The following SLC12A8 variants were observed in gnomAD, a reference collection of about 807,000 sequenced individuals.
The protein encoded by SLC12A8 is cation-chloride cotransporter 9.
A neutral mutation model predicts 75.6 loss-of-function variants in SLC12A8; 69 were observed. The ratio of observed to expected loss-of-function variants is 0.91; its 90% CI spans 0.75 to 1.11. The LOEUF (loss-of-function observed/expected upper bound fraction) is 1.11. Ranked by LOEUF, SLC12A8 falls within the 50% of genes most tolerant of loss-of-function variation. The pLI, the probability that SLC12A8 is intolerant of heterozygous loss-of-function variation, is 0.00. For synonymous variants in SLC12A8, 365 were observed against 372.8 expected, an observed-to-expected ratio of 0.98 and a Z score of 0.24; for missense variants, 877 against 896.7, an observed-to-expected ratio of 0.98 and a Z score of 0.28.
At chr3:125,196,756 A>G (rs956218008) in intron 2 of SLC12A8, among the ~76,000 whole-genome samples, 3 of 152,122 alleles carry the variant, frequency 2.0e-5, no homozygotes, top group African/African-American at 7.2e-5. Flanking sequence ...TAATGAGACC[A>G]CACCTCTACA....
chr3:125,193,448 C>T lies in SLC12A8; in HGVS notation c.52-2927G>A, dbSNP rs58195221. Among the ~76,000 whole-genome samples the T allele has an allele frequency of 8.7e-3, 1,321 of 152,350 alleles. 7 individuals are homozygous for T. The highest frequency in any genetic ancestry group is 0.017 in the Middle Eastern group (5 of 294). On this transcript the variant is annotated intron_variant, in intron 2 of 13. Coordinates refer to ENST00000469902, the MANE Select transcript of SLC12A8 (RefSeq NM_024628.6). ...TCCAGGCTCGCCACATTTGTGATGC[C>T]ATTCAGACTTTAGCTAGTGCCCAGA... is the stretch of plus-strand genomic sequence containing the variant.
chr3:125,174,062 AGCCTGGGT>A (rs768611672), intron 5 of SLC12A8, among the ~76,000 whole-genome samples: 5 of 152,238 alleles, frequency 3.3e-5, no homozygotes, highest in Non-Finnish European at 7.3e-5. Flanking sequence ...ACTGCACTCC[AGCCTGGGT>A]GACAGAACAA....
intron 5 of SLC12A8, among the ~76,000 whole-genome samples, chr3:125,146,314 TG>T (rs1365157317): frequency 6.6e-6 from 1 of 152,238 alleles, no homozygotes; most frequent in Non-Finnish European, 1.5e-5. Context: ...GCGGAGTTTC[TG>T]TTTGGGGTGA....
intron 11 of SLC12A8, 21 bp downstream of exon 11, chr3:125,092,080 G>T: frequency 5.2e-6 from 8 of 1,552,372 alleles, no homozygotes; most frequent in Non-Finnish European, 6.2e-6. Context: ...GAACAACTGA[G>T]ATCAAGATGA....
At chr3:125,105,488 T>G (rs1939000061) in intron 10 of SLC12A8, among the ~76,000 whole-genome samples, 2 of 152,222 alleles carry the variant, frequency 1.3e-5, no homozygotes, top group East Asian at 3.9e-4. Flanking sequence ...TTGACAGATC[T>G]GCCAGAGCAT....
chr3:125,187,458 GA>G (rs1375217010), intron 3 of SLC12A8, 30 bp from the exon 4 acceptor site: 1 of 1,605,670 alleles, frequency 6.2e-7, no homozygotes, highest in Non-Finnish European at 8.5e-7. Flanking sequence ...AGCAAGGTTG[GA>G]TTAGGTGAGG....
At chr3:125,197,040 C>CT (rs755025007) in intron 2 of SLC12A8, among the ~76,000 whole-genome samples, 9 of 152,164 alleles carry the variant, frequency 5.9e-5, no homozygotes, top group Admixed American at 3.3e-4. Flanking sequence ...ACCAGGGCTC[C>CT]TTGCAGAAGT....
At chr3:125,165,136 T>C (rs1198363531) in intron 5 of SLC12A8, among the ~76,000 whole-genome samples, 1 of 152,158 alleles carries the variant, frequency 6.6e-6, no homozygotes, top group Admixed American at 6.5e-5. Flanking sequence ...CCCACCATCA[T>C]CATGAGGGTC....
At chr3:125,108,216 A>G in intron 9 of SLC12A8, 90 bp from the exon 10 acceptor site, 2 of 1,290,286 alleles carry the variant, frequency 1.6e-6, no homozygotes, top group Non-Finnish European at 2.1e-6. Context: ...AACACAACTC[A>G]TAATGACTCA....
intron 12 of SLC12A8, among the ~76,000 whole-genome samples, chr3:125,091,022 T>C (rs955524754): frequency 6.6e-6 from 1 of 152,232 alleles, no homozygotes; most frequent in Non-Finnish European, 1.5e-5. Flanking sequence ...CTTATTTTGA[T>C]TGAGTACTTT....
At chr3:125,136,142 CA>C (rs777387822) in intron 5 of SLC12A8, among the ~76,000 whole-genome samples, 8 of 152,152 alleles carry the variant, frequency 5.3e-5, no homozygotes, top group Non-Finnish European at 1.2e-4. Flanking sequence ...TCGATATTTG[CA>C]AGTTACTTCC....
chr3:125,186,779 G>A (rs1466160747), intron 4 of SLC12A8, among the ~76,000 whole-genome samples: 4 of 152,220 alleles, frequency 2.6e-5, no homozygotes, highest in African/African-American at 7.2e-5. Context: ...AAGGCCACCC[G>A]AGCTATCAAA....
intron 13 of SLC12A8, among the ~76,000 whole-genome samples, chr3:125,084,371 T>C (rs959453124): frequency 6.6e-6 from 1 of 152,076 alleles, no homozygotes; most frequent in Non-Finnish European, 1.5e-5. Context: ...GTTGGGGCTC[T>C]GTAGCTTTTC....
At chr3:125,115,587 C>T (rs1027684428) in intron 8 of SLC12A8, among the ~76,000 whole-genome samples, 7 of 151,404 alleles carry the variant, frequency 4.6e-5, no homozygotes, top group African/African-American at 1.7e-4. Context: ...AGTTGAGAAG[C>T]CAAATAATTA....
At chr3:125,117,582 T>G (rs931623644) in intron 8 of SLC12A8, among the ~76,000 whole-genome samples, 1 of 151,836 alleles carries the variant, frequency 6.6e-6, no homozygotes, top group African/African-American at 2.4e-5. Flanking sequence ...GGTGACAGAG[T>G]GAGACCCTGT....
At chr3:125,204,422 T>C (rs2107804354) in intron 2 of SLC12A8, among the ~76,000 whole-genome samples, 1 of 152,330 alleles carries the variant, frequency 6.6e-6, no homozygotes, top group Admixed American at 6.5e-5. Context: ...AATCCTGTCA[T>C]GTGCAGCAAC....
intron 6 of SLC12A8, chr3:125,121,048 A>G: frequency 1.7e-6 from 1 of 584,634 alleles, no homozygotes; most frequent in Non-Finnish European, 3.0e-6. Flanking sequence ...GCTCAGCATT[A>G]CAAAGGTCTG....
intron 5 of SLC12A8, among the ~76,000 whole-genome samples, chr3:125,159,344 C>A (rs11924526): frequency 1.6e-4 from 25 of 152,166 alleles, no homozygotes; most frequent in Admixed American, 4.6e-4. Flanking sequence ...AATCCTCCCC[C>A]CTTGGTCTCC....
intron 1 of SLC12A8, among the ~76,000 whole-genome samples, chr3:125,211,700 C>A (rs1935339455): frequency 6.6e-6 from 1 of 152,162 alleles, no homozygotes; most frequent in Non-Finnish European, 1.5e-5. Context: ...TGCTGCCCAG[C>A]CCTTGAGGAC....
Sources: allele counts gnomAD v4.1 joint callset (sites outside exome capture counted in the v4.1 genomes callset), GRCh38; gene constraint gnomAD v4.1.1; transcripts MANE v1.5; gene names NCBI Gene and HGNC (gene_info 2026-07-23, HGNC 2026-07-21).